LRP1B: variants seen among roughly 807,000 people sequenced by gnomAD.
The protein encoded by LRP1B is LDL receptor related protein 1B.
LRP1B carries 217 observed loss-of-function variants against 556.6 expected under a neutral mutation model. The observed-to-expected ratio is 0.39, with a 90% CI of 0.35 to 0.44. LRP1B has a LOEUF of 0.44. LRP1B is among the 20% of genes least tolerant of loss of function. LRP1B has a pLI of 1.00. For missense variants in LRP1B, 5,053 were observed against 5,620.8 expected (o/e 0.90, Z 3.23); for synonymous variants, 2,047 against 1,865.8 (o/e 1.10, Z -2.50).
intron 1 of LRP1B, among the ~76,000 whole-genome samples, chr2:142,039,853 T>A (rs1296068134): frequency 6.6e-6 from 1 of 151,574 alleles, no homozygotes; most frequent in Non-Finnish European, 1.5e-5. Flanking sequence ...TGAAAATGCT[T>A]GACCAAATTG....
chr2:141,391,298 G>C (rs4404210), intron 3 of LRP1B, among the ~76,000 whole-genome samples: 82,413 of 151,854 alleles, frequency 0.54, 24,162 homozygotes, highest in Non-Finnish European at 0.67. Context: ...ATAAATATTG[G>C]TTAAACAAAT....
chr2:141,860,633 T>C (rs1698208377), intron 1 of LRP1B, among the ~76,000 whole-genome samples: 1 of 152,124 alleles, frequency 6.6e-6, no homozygotes, highest in African/African-American at 2.4e-5. Context: ...ATTCTTGACG[T>C]TCATGAATAT....
At chr2:141,865,364 GGGCGGATCA>G in intron 1 of LRP1B, among the ~76,000 whole-genome samples, 1 of 151,868 alleles carries the variant, frequency 6.6e-6, no homozygotes, top group South Asian at 2.1e-4. Flanking sequence ...AGGCCGAGGC[GGGCGGATCA>G]CGAGGTCAGG....
At chr2:141,532,813 C>T (rs768597007) in intron 2 of LRP1B, among the ~76,000 whole-genome samples, 1 of 151,952 alleles carries the variant, frequency 6.6e-6, no homozygotes, top group Admixed American at 6.6e-5. Context: ...TAGTGAAACC[C>T]CGTCTCTACT....
At chr2:140,310,351 A>G (rs895326767) in intron 83 of LRP1B, among the ~76,000 whole-genome samples, 1 of 151,276 alleles carries the variant, frequency 6.6e-6, no homozygotes, top group East Asian at 1.9e-4. Context: ...TGCAATTTCT[A>G]TCAAAATACC....
intron 35 of LRP1B, among the ~76,000 whole-genome samples, chr2:140,751,599 T>C (rs1218539951): frequency 6.6e-6 from 1 of 152,200 alleles, no homozygotes; most frequent in African/African-American, 2.4e-5. Flanking sequence ...CCCACACAGA[T>C]GTCAATTACA....
intron 2 of LRP1B, among the ~76,000 whole-genome samples, chr2:141,689,993 T>C (rs1691456975): frequency 6.6e-6 from 1 of 151,568 alleles, no homozygotes; most frequent in Non-Finnish European, 1.5e-5. Flanking sequence ...AAGACTTTAA[T>C]TTTGAAAAGG....
intron 31 of LRP1B, among the ~76,000 whole-genome samples, chr2:140,816,430 T>C (rs1691127213): frequency 6.6e-6 from 1 of 152,188 alleles, no homozygotes; most frequent in Non-Finnish European, 1.5e-5. Context: ...CTGAATTTTT[T>C]AATGTACTAC....
intron 1 of LRP1B, among the ~76,000 whole-genome samples, chr2:142,078,567 A>C (rs1320766216): frequency 1.3e-5 from 2 of 152,158 alleles, no homozygotes; most frequent in African/African-American, 4.8e-5. Flanking sequence ...TCTCTTCCTC[A>C]GTTTCCTGCC....
intron 53 of LRP1B, among the ~76,000 whole-genome samples, chr2:140,506,082 A>G (rs1689396213): frequency 6.6e-6 from 1 of 151,918 alleles, no homozygotes; most frequent in Non-Finnish European, 1.5e-5. Context: ...GTAGAAAAAT[A>G]TTAAGTATCC....
chr2:141,294,739 C>CAAAA (rs10700407), intron 3 of LRP1B, among the ~76,000 whole-genome samples: 31 of 139,282 alleles, frequency 2.2e-4, no homozygotes, highest in Middle Eastern at 3.8e-3. Context: ...GATTCTGTCT[C>CAAAA]AAAAAAAAAA....
intron 31 of LRP1B, among the ~76,000 whole-genome samples, chr2:140,823,135 T>A (rs978845059): frequency 2.0e-5 from 3 of 152,140 alleles, no homozygotes; most frequent in Non-Finnish European, 4.4e-5. Context: ...ACAGGTACTA[T>A]AAAGGGTGTT....
chr2:141,473,435 G>C (rs1682556716), intron 3 of LRP1B, among the ~76,000 whole-genome samples: 1 of 152,060 alleles, frequency 6.6e-6, no homozygotes, highest in African/African-American at 2.4e-5. Flanking sequence ...TTGTTGCTTT[G>C]CTTCTGGGAA....
At chr2:141,727,917 A>C (rs1170424846) in intron 2 of LRP1B, among the ~76,000 whole-genome samples, 1 of 152,004 alleles carries the variant, frequency 6.6e-6, no homozygotes, top group Non-Finnish European at 1.5e-5. Flanking sequence ...GAGGAGGAGG[A>C]TTCTGTTGTG....
At chr2:141,229,090 C>A in intron 6 of LRP1B, 93 bp downstream of exon 6, 1 of 1,269,098 alleles carries the variant, frequency 7.9e-7, no homozygotes, top group Non-Finnish European at 1.1e-6. Flanking sequence ...TTCCAACAGC[C>A]ATGAGCTATG....
chr2:140,744,226 GATATAC>G (rs1396441441), intron 35 of LRP1B, among the ~76,000 whole-genome samples: 1 of 151,724 alleles, frequency 6.6e-6, no homozygotes, highest in Non-Finnish European at 1.5e-5. Context: ...GCATTGCATT[GATATAC>G]ATATACCATT....
intron 60 of LRP1B, among the ~76,000 whole-genome samples, chr2:140,463,077 G>C (rs186088618): frequency 6.6e-6 from 1 of 152,274 alleles, no homozygotes; most frequent in East Asian, 1.9e-4. Context: ...TTAAACAAAG[G>C]CTATGAAAAA....
intron 1 of LRP1B, among the ~76,000 whole-genome samples, chr2:142,097,468 T>A (rs1352989436): frequency 6.6e-6 from 1 of 151,710 alleles, no homozygotes; most frequent in Non-Finnish European, 1.5e-5. Flanking sequence ...GGAATAGCAA[T>A]TAAATTTTTT....
At position 141,673,000 on chromosome 2, in the gene LRP1B, A is replaced by T. The variant is rs115816102; in HGVS notation, c.205+137279T>A. Among the ~76,000 whole-genome samples the T allele has an allele frequency of 6.9e-3, 1,045 of 152,238 alleles. 13 individuals carry two copies. The highest frequency in any genetic ancestry group is 0.024 in the African/African-American group (994 of 41,526). On this transcript the variant is annotated intron_variant, in intron 2 of 90. Coordinates refer to ENST00000389484, the MANE Select transcript of LRP1B (RefSeq NM_018557.3). ...AGTCTCCTATGGGTATCATTAACAC[A>T]TTCCCCTACCCTAAAAACAGTCGCC...
Sources: allele counts gnomAD v4.1 joint callset (sites outside exome capture counted in the v4.1 genomes callset), GRCh38; gene constraint gnomAD v4.1.1; transcripts MANE v1.5; gene names NCBI Gene and HGNC (gene_info 2026-07-23, HGNC 2026-07-21).